Variants in MTG1 observed in about 807,000 individuals in gnomAD.
The protein encoded by MTG1 is mitochondrial ribosome-associated GTPase 1.
MTG1 carries 30 observed loss-of-function variants against 39.5 expected under a neutral mutation model. The observed-to-expected ratio is 0.76, with a 90% CI of 0.57 to 1.03. MTG1 has a LOEUF of 1.03. Ranked by LOEUF, MTG1 falls within the 50% of genes least tolerant of loss-of-function variation. The pLI is 0.00. For synonymous variants in MTG1, 217 were observed against 179.0 expected, an observed-to-expected ratio of 1.21 and a Z score of -1.69; for missense variants, 513 against 447.4, an observed-to-expected ratio of 1.15 and a Z score of -1.32.
At chr10:133,409,812 A>T (rs1471818695) in intron 9 of MTG1, among the ~76,000 whole-genome samples, 1 of 150,052 alleles carries the variant, frequency 6.7e-6, no homozygotes, top group Non-Finnish European at 1.5e-5. Context: ...CCTGTAGTCT[A>T]TTTTGTGTAA....
intron 9 of MTG1, among the ~76,000 whole-genome samples, chr10:133,412,366 T>C (rs1850059808): frequency 6.6e-6 from 1 of 152,258 alleles, no homozygotes; most frequent in African/African-American, 2.4e-5. Flanking sequence ...GAAGTAGAAT[T>C]GATTTTTGTA....
At chr10:133,405,688 A>G (rs116085637) in intron 9 of MTG1, among the ~76,000 whole-genome samples, 3,976 of 152,286 alleles carry the variant, frequency 0.026, 156 homozygotes, top group African/African-American at 0.088. Context: ...TGTTATGGCT[A>G]ATATTTCATT....
At chr10:133,415,831 A>G (rs983202828) in intron 9 of MTG1, among the ~76,000 whole-genome samples, 3 of 152,064 alleles carry the variant, frequency 2.0e-5, no homozygotes, top group African/African-American at 4.8e-5. Flanking sequence ...TCAGGCATGC[A>G]GGTATCAGGC....
chr10:133,421,802 G>A lies in MTG1; in HGVS notation c.*1637G>A, dbSNP rs551222564. 2 of 153,130 alleles carry A rather than the reference G, an allele frequency of 1.3e-5. No homozygotes were observed. The highest frequency in any genetic ancestry group is 2.9e-5 in the Non-Finnish European group (2 of 68,536). The allele number at this position is 153,130 out of a possible 1,614,324, so 9.5% of individuals were successfully genotyped here. On this transcript the variant is annotated 3_prime_UTR_variant, in exon 11 of 11. Transcript: ENST00000317502. ...GTGGTGGGTGCTGGTCTTGACTTTG[G>A]TGTCCACTGAGTCCCGAGGCTCAGG...
intron 9 of MTG1, among the ~76,000 whole-genome samples, chr10:133,408,241 A>C (rs1003946489): frequency 1.3e-5 from 2 of 152,186 alleles, no homozygotes; most frequent in African/African-American, 4.8e-5. Flanking sequence ...TGTTCCTTCT[A>C]TACTCAGTTT....
At chr10:133,403,743 G>A (rs1849923016) in intron 9 of MTG1, among the ~76,000 whole-genome samples, 1 of 152,144 alleles carries the variant, frequency 6.6e-6, no homozygotes, top group African/African-American at 2.4e-5. Flanking sequence ...TTCATGTACC[G>A]ACAGGTCTTT....
chr10:133,409,692 G>T lies in MTG1; in HGVS notation c.752+6919G>T, dbSNP rs531650057. 5.3e-5 allele frequency among the ~76,000 whole-genome samples: 8 copies of T among 152,266 alleles called. No homozygotes were observed. In the East Asian group the frequency reaches 1.5e-3, roughly 29 times the overall value. On this transcript the variant is annotated intron_variant, in intron 9 of 10. Transcript: ENST00000317502. ...CTATCAATGTTTGCTTTATATATCT[G>T]GGTGCTCTGGTGTTGGGTGCATAGA...
rs1850228980 is a variant in MTG1, at chr10:133,421,248, C to CA, written c.*1083_*1084insA. Reference sequence around the variant, plus strand: ...ACCTGCATCGTGCCATAACCCTGACCGCCTGGGGCAGGAAGTATTCAGGTT... The same window carrying CA: ...ACCTGCATCGTGCCATAACCCTGACCAGCCTGGGGCAGGAAGTATTCAGGTT... On this transcript the variant is annotated 3_prime_UTR_variant, in exon 11 of 11. Transcript: ENST00000317502. 1 of 152,796 alleles carries CA rather than the reference C, an allele frequency of 6.5e-6. No individual in the cohort carries two copies. The highest frequency in any genetic ancestry group is 1.5e-5 in the Non-Finnish European group (1 of 68,164). The allele number at this position is 152,796 out of a possible 1,614,324, so 9.5% of individuals were successfully genotyped here. A position where few individuals can be genotyped will look rare whatever the true frequency, so the allele number is the denominator to read the frequency against.
chr10:133,395,124 G>C (rs1034373956), intron 1 of MTG1, among the ~76,000 whole-genome samples: 1 of 152,170 alleles, frequency 6.6e-6, no homozygotes, highest in African/African-American at 2.4e-5. Context: ...GGCCCGGCCC[G>C]GTGGCTCACG....
chr10:133,411,728 G>A (rs1292899161), intron 9 of MTG1, among the ~76,000 whole-genome samples: 1 of 150,936 alleles, frequency 6.6e-6, no homozygotes, highest in Non-Finnish European at 1.5e-5. Context: ...CCATTCTGCT[G>A]TTGAGAGCCT....
chr10:133,399,869 C>G (rs1191938616), intron 6 of MTG1: 11 of 455,388 alleles, frequency 2.4e-5, no homozygotes, highest in Admixed American at 3.9e-5. Flanking sequence ...ATGAAGATGG[C>G]TTTTCTAAAC....
intron 9 of MTG1, among the ~76,000 whole-genome samples, chr10:133,408,452 G>A (rs1413369104): frequency 1.3e-5 from 2 of 152,162 alleles, no homozygotes; most frequent in Non-Finnish European, 2.9e-5. Flanking sequence ...TTGAATTTGG[G>A]TTGCTGGTCA....
In MTG1 at chr10:133,394,230, A is replaced by AC; in HGVS notation, c.14dup (p.Arg6AlafsTer71). The AC allele has an allele frequency of 6.6e-7, 1 of 1,516,508 alleles. No individual in the cohort carries two copies. The allele number at this position is 1,516,508 out of a possible 1,614,324, so 93.9% of individuals were successfully genotyped here. A position where few individuals can be genotyped will look rare whatever the true frequency, so the allele number is the denominator to read the frequency against. On this transcript the variant is annotated frameshift_variant, in exon 1 of 11. Transcript: ENST00000317502. LOFTEE classifies it high-confidence loss of function. Reference sequence around the variant, plus strand: ...CGGGGACGGTGCCGCCATGAGATTGACCCCGCGCGCGCTGTGCAGCGCCGC... The same window carrying AC: ...CGGGGACGGTGCCGCCATGAGATTGACCCCCGCGCGCGCTGTGCAGCGCCGC...
intron 1 of MTG1, 117 bp downstream of exon 1, chr10:133,394,449 C>A: frequency 7.5e-7 from 1 of 1,324,540 alleles, no homozygotes; most frequent in Non-Finnish European, 9.7e-7. Flanking sequence ...TGGCCCCGCC[C>A]CTCCTCCCTT....
At chr10:133,415,969 G>A (rs1385085777) in intron 9 of MTG1, among the ~76,000 whole-genome samples, 2 of 100,346 alleles carry the variant, frequency 2.0e-5, no homozygotes, top group Admixed American at 1.3e-4. Flanking sequence ...CGCGGGTGTC[G>A]GGCAGGCGGG....
At position 133,402,442 on chromosome 10, in the gene MTG1, T is replaced by G; in HGVS notation, c.670+197T>G. Reference sequence around the variant, plus strand: ...ACAGGCACTGGTCACCATTCCACCCTGCCCCATGAGTGGCCTTCCCTTTCC... The same window carrying G: ...ACAGGCACTGGTCACCATTCCACCCGGCCCCATGAGTGGCCTTCCCTTTCC... On this transcript the variant is annotated intron_variant, in intron 8 of 10. Coordinates refer to ENST00000317502, the MANE Select transcript of MTG1 (RefSeq NM_138384.4). This position sits in a 1 kb window ranked among gnomAD's most constrained non-coding sequence, Gnocchi z 4.7. 4.2e-6 allele frequency: 3 copies of G among 713,210 alleles called. No individual in the cohort carries two copies. The highest frequency in any genetic ancestry group is 3.5e-5 in the South Asian group (2 of 57,348). The allele number at this position is 713,210 out of a possible 1,614,324, so 44.2% of individuals were successfully genotyped here.
chr10:133,419,659 C>T, intron 10 of MTG1, 67 bp downstream of exon 10: 1 of 1,319,744 alleles, frequency 7.6e-7, no homozygotes, highest in Non-Finnish European at 1.1e-6. Flanking sequence ...CCGGCCATCC[C>T]TGGAGGAGGC....
chr10:133,402,857 A>G lies in MTG1; in HGVS notation c.752+84A>G, dbSNP rs1271392401. 2.9e-6 allele frequency: 3 copies of G among 1,044,020 alleles called. No homozygotes were observed. The highest frequency in any genetic ancestry group is 2.6e-5 in the East Asian group (1 of 38,638). The allele number at this position is 1,044,020 out of a possible 1,614,324, so 64.7% of individuals were successfully genotyped here. The stretch of plus-strand genomic sequence containing the variant: ...AAAAAAAACAAACAAAAAAACCCCC[A>G]GCATTATAAAGGTATTATAAACACG... On this transcript the variant is annotated intron_variant, in intron 9 of 10. Transcript: ENST00000317502. This position sits in a 1 kb window ranked among gnomAD's most constrained non-coding sequence, Gnocchi z 4.7.
intron 9 of MTG1, among the ~76,000 whole-genome samples, chr10:133,413,683 A>T (rs986156654): frequency 1.3e-5 from 2 of 152,140 alleles, no homozygotes; most frequent in African/African-American, 4.8e-5. Flanking sequence ...TAGGGTGTAT[A>T]GTATGTCTTT....
Sources: gnomAD v4.1 joint callset for allele counts (sites outside exome capture counted in the v4.1 genomes callset) on GRCh38, gnomAD v4.1.1 for gene constraint, Gnocchi (gnomAD v3.1) non-coding constraint, MANE v1.5 for transcripts, NCBI Gene and HGNC (gene_info 2026-07-23, HGNC 2026-07-21) for gene names.